IAPP: variants seen among roughly 807,000 people sequenced by gnomAD.
The protein encoded by IAPP is islet amyloid polypeptide, also known as Islet amyloid polypeptide (diabetes-associated peptide; amylin).
Under a neutral mutation model 2.9 loss-of-function variants are expected in IAPP, and 4 were observed. That is an observed-to-expected ratio of 1.39 (90% CI 0.69 to 3.19). The LOEUF (loss-of-function observed/expected upper bound fraction) is 3.19, where lower values mean the gene tolerates loss of function less well. Ranked by LOEUF, IAPP falls within the 30% of genes most tolerant of loss-of-function variation. The pLI, the probability that IAPP is intolerant of heterozygous loss-of-function variation, is 0.01. For synonymous variants in IAPP, 40 were observed against 42.1 expected (o/e 0.95, Z 0.19); for missense variants, 114 against 105.3 (o/e 1.08, Z -0.36).
In IAPP at chr12:21,355,508, C is replaced by A. The variant is rs367667567; in HGVS notation, c.-16+495C>A. ...AAAATACTGATACAAGGCCTAGGAT[C>A]TGGGAGACCTAAACTTTGAGTCTGT... On this transcript the variant is annotated intron_variant, in intron 1 of 2. Transcript: ENST00000539393. Among the ~76,000 whole-genome samples the A allele has an allele frequency of 4.3e-4, 66 of 152,214 alleles. 1 individual carries two copies. In the South Asian group the frequency reaches 0.013, roughly 31 times the overall value.
At chr12:21,366,275 C>T (rs1411243035) in intron 1 of IAPP, among the ~76,000 whole-genome samples, 1 of 151,944 alleles carries the variant, frequency 6.6e-6, no homozygotes, top group Non-Finnish European at 1.5e-5. Context: ...TGGAAACCAT[C>T]ATTCTGAGCA....
At chr12:21,374,312 T>A (rs889583292) in intron 2 of IAPP, 1 of 152,270 alleles carries the variant, frequency 6.6e-6, no homozygotes, top group African/African-American at 2.4e-5. Flanking sequence ...TAGTGAGGAT[T>A]TGTTTGTGCC....
Position 21,378,254 on chromosome 12 carries a change from G to C in IAPP, c.98G>C (p.Arg33Pro), listed in dbSNP as rs200996235. 6 of 1,614,016 alleles carry C rather than the reference G, an allele frequency of 3.7e-6. No individual in the cohort carries two copies. In the East Asian group the frequency reaches 1.3e-4, roughly 36 times the overall value. Residue 33 changes from arginine (R) to proline (P), a missense_variant, in exon 3 of 3, where the codon CGG becomes CCG. Physicochemically the swap from Arg to Pro is moderately radical, Grantham distance 103. Transcript: ENST00000240652. The part of the protein sequence containing the change: ...TPIESHQVEK[R>P]KCNTATCATQ... ...GTTACCAGTCATCAGGTGGAAAAGC[G>C]GAAATGCAACACTGCCACATGTGCA...
chr12:21,355,943 A>G (rs1268499514), intron 1 of IAPP, among the ~76,000 whole-genome samples: 2 of 152,176 alleles, frequency 1.3e-5, no homozygotes, highest in East Asian at 3.8e-4. Context: ...ATATTAAAAT[A>G]GTATTGAATG....
intron 2 of IAPP, among the ~76,000 whole-genome samples, chr12:21,373,957 A>T (rs1939995631): frequency 6.6e-6 from 1 of 152,162 alleles, no homozygotes; most frequent in African/African-American, 2.4e-5. Context: ...AATCTAAAAG[A>T]AGTAGTTAAA....
At position 21,364,763 on chromosome 12, in the gene IAPP, G is replaced by A. The variant is rs560317437; in HGVS notation, c.-15-8574G>A. On this transcript the variant is annotated intron_variant, in intron 1 of 2. Coordinates refer to the IAPP transcript ENST00000539393. ...TCCTATACACCAATAACAGACAAAC[G>A]GAGAGACAAATCATGAGTGAACTCC... Among the ~76,000 whole-genome samples, 17 of 152,104 alleles carry A rather than the reference G, an allele frequency of 1.1e-4. No homozygotes were observed. The South Asian group carries it at 2.9e-3, about 26-fold the overall frequency.
At chr12:21,371,741 G>A (rs527282180), upstream of IAPP, among the ~76,000 whole-genome samples, 380 of 152,208 alleles carry the variant, frequency 2.5e-3, 5 homozygotes, top group African/African-American at 7.9e-3. Context: ...GGTGGCTGAC[G>A]CCTGTAATCC....
chr12:21,372,046 A>C (rs1023569622), upstream of IAPP, among the ~76,000 whole-genome samples: 5 of 152,268 alleles, frequency 3.3e-5, no homozygotes, highest in South Asian at 1.0e-3. Context: ...AAATACAAGA[A>C]AAAGAAAAAG....
Sources: gnomAD v4.1 joint callset for allele counts (sites outside exome capture counted in the v4.1 genomes callset) on GRCh38, gnomAD v4.1.1 for gene constraint, MANE v1.5 for transcripts, NCBI Gene and HGNC (gene_info 2026-07-23, HGNC 2026-07-21) for gene names.